PET100: variants seen among roughly 807,000 people sequenced by gnomAD.
PET100 encodes the protein PET100 cytochrome c oxidase chaperone.
In PET100, 13 loss-of-function variants were observed where a neutral mutation model predicts 13.6. That is an observed-to-expected ratio of 0.96 (90% CI 0.62 to 1.52). PET100 has a LOEUF of 1.52. Ranked by LOEUF, PET100 falls within the 40% of genes most tolerant of loss-of-function variation. The pLI is 0.00. For synonymous variants in PET100, 28 were observed against 30.8 expected (o/e 0.91, Z 0.30); for missense variants, 94 against 95.3 (o/e 0.99, Z 0.06).
intron 1 of PET100, chr19:7,630,314 T>C: frequency 1.8e-6 from 1 of 546,594 alleles, no homozygotes; most frequent in South Asian, 2.2e-5. Flanking sequence ...TGATTGTAGC[T>C]GGGGCGTCTG....
At chr19:7,631,078 G>T in intron 3 of PET100, 1 of 735,572 alleles carries the variant, frequency 1.4e-6, no homozygotes, top group Non-Finnish European at 2.2e-6. Flanking sequence ...CATGGTGGCA[G>T]GCGCCTATAA....
At chr19:7,631,401 G>T (rs1439080223) in intron 3 of PET100, 72 bp from the exon 4 acceptor site, 2 of 1,116,876 alleles carry the variant, frequency 1.8e-6, no homozygotes, top group South Asian at 3.1e-5. Context: ...GAGGTGGGCG[G>T]GGGGGGGTGG....
chr19:7,631,660 C>A lies in PET100; in HGVS notation c.*104C>A. 6.8e-7 allele frequency: 1 copy of A among 1,460,954 alleles called. No individual in the cohort carries two copies. 90.5% of individuals were successfully genotyped at this position (1,460,954 alleles called of 1,614,324 possible). A position where few individuals can be genotyped will look rare whatever the true frequency, so the allele number is the denominator to read the frequency against. ...TTATTCTTTTATCAGTTTTTGGGGG[C>A]CGAGTGAGACCCAGGATGCCTCAGG... On this transcript the variant is annotated 3_prime_UTR_variant, in exon 4 of 4. Coordinates refer to ENST00000594797, the MANE Select transcript of PET100 (RefSeq NM_001171155.2).
chr19:7,630,717 A>C, intron 2 of PET100, 58 bp downstream of exon 2: 1 of 1,530,990 alleles, frequency 6.5e-7, no homozygotes, highest in Non-Finnish European at 8.8e-7. Flanking sequence ...GGTGTGGGGC[A>C]GCAGTCTGCT....
At position 7,629,816 on chromosome 19, in the gene PET100, T is replaced by C. The variant is rs1490639045; in HGVS notation, c.-18T>C. 12 of 1,536,814 alleles carry C rather than the reference T, an allele frequency of 7.8e-6. No homozygotes were observed. The highest frequency in any genetic ancestry group is 1.4e-5 in the African/African-American group (1 of 73,014). On this transcript the variant is annotated 5_prime_UTR_variant, in exon 1 of 4. Coordinates refer to ENST00000594797, the MANE Select transcript of PET100 (RefSeq NM_001171155.2). ...TCGGCTTTGGGCGGAACTGGCTTTG[T>C]TGACCGGGAGAAACGAGATGGGGGT...
chr19:7,631,398 G>GA, intron 3 of PET100, 75 bp from the exon 4 acceptor site: 1 of 1,177,192 alleles, frequency 8.5e-7, no homozygotes, highest in African/African-American at 1.5e-5. Context: ...GGAGAGGTGG[G>GA]CGGGGGGGGG....
chr19:7,630,719 C>T lies in PET100; in HGVS notation c.114+60C>T, dbSNP rs1344292143. ...AGGGGTGGGAGAGGGTGTGGGGCAG[C>T]AGTCTGCTGGGGACTAATGTCTGCC... is the stretch of plus-strand genomic sequence containing the variant. On this transcript the variant is annotated intron_variant, in intron 2 of 3. Transcript: ENST00000594797. 6 of 1,530,216 alleles carry T rather than the reference C, an allele frequency of 3.9e-6. No homozygotes were observed. The African/African-American group carries it at 4.1e-5, about 11-fold the overall frequency. 94.8% of individuals were successfully genotyped at this position (1,530,216 alleles called of 1,614,324 possible).
At chr19:7,631,399 C>CGGGGGGG in intron 3 of PET100, 74 bp from the exon 4 acceptor site, 9 of 583,130 alleles carry the variant, frequency 1.5e-5, no homozygotes, top group Non-Finnish European at 2.2e-5. Context: ...GAGAGGTGGG[C>CGGGGGGG]GGGGGGGGGT....
At chr19:7,629,918 G>T (rs1260197875) in intron 1 of PET100, 58 bp downstream of exon 1, 1 of 1,471,366 alleles carries the variant, frequency 6.8e-7, no homozygotes, top group South Asian at 1.3e-5. Context: ...TGGATCTGAA[G>T]ATGAGGTTGG....
chr19:7,631,004 T>C, intron 3 of PET100, 158 bp downstream of exon 3: 1 of 976,942 alleles, frequency 1.0e-6, no homozygotes, highest in South Asian at 1.5e-5. Context: ...AGGTCAGGAG[T>C]TCAAAACCAG....
chr19:7,631,772 G>A lies in PET100; in HGVS notation c.*216G>A. 3 of 1,419,058 alleles carry A rather than the reference G, an allele frequency of 2.1e-6. No individual in the cohort carries two copies. The highest frequency in any genetic ancestry group is 2.8e-6 in the Non-Finnish European group (3 of 1,082,474). The allele number at this position is 1,419,058 out of a possible 1,614,324, so 87.9% of individuals were successfully genotyped here. A position where few individuals can be genotyped will look rare whatever the true frequency, so the allele number is the denominator to read the frequency against. On this transcript the variant is annotated 3_prime_UTR_variant, in exon 4 of 4. Transcript: ENST00000594797. Reference sequence around the variant, plus strand: ...GGGTCCTGAGGGGTGAGCAGGGGTTGGGGACTGAGGGTCCCAGCTCGTTTC... The same window carrying A: ...GGGTCCTGAGGGGTGAGCAGGGGTTAGGGACTGAGGGTCCCAGCTCGTTTC...
At chr19:7,630,996 G>A (rs1485632762) in intron 3 of PET100, 150 bp downstream of exon 3, 1 of 1,047,894 alleles carries the variant, frequency 9.5e-7, no homozygotes. Context: ...ATCACTTGAG[G>A]TCAGGAGTTC....
chr19:7,630,764 C>G, intron 2 of PET100, 59 bp from the exon 3 acceptor site: 1 of 1,536,798 alleles, frequency 6.5e-7, no homozygotes, highest in South Asian at 1.2e-5. Flanking sequence ...CCGACCCTGC[C>G]CTGATGTGGG....
At chr19:7,630,540 G>A (rs2031256685) in intron 1 of PET100, 33 bp from the exon 2 acceptor site, 3 of 1,481,440 alleles carry the variant, frequency 2.0e-6, no homozygotes, top group East Asian at 4.9e-5. Flanking sequence ...TTGCTTGGGG[G>A]GAGCTCACCT....
intron 3 of PET100, 21 bp from the exon 4 acceptor site, chr19:7,631,452 C>T: frequency 9.1e-6 from 14 of 1,530,766 alleles, no homozygotes; most frequent in Non-Finnish European, 1.1e-5. Flanking sequence ...CTTCCTGTCC[C>T]ACCCGCTTCT....
rs769172022 is a variant in PET100, at chr19:7,631,679, C to CCT, written c.*125_*126dup. 140 of 1,459,396 alleles carry CCT rather than the reference C, an allele frequency of 9.6e-5. No homozygotes were observed. Among genetic ancestry groups the CCT allele is most frequent in the Non-Finnish European group, 1.2e-4 (130 of 1,105,822 alleles). The allele number at this position is 1,459,396 out of a possible 1,614,324, so 90.4% of individuals were successfully genotyped here. A position where few individuals can be genotyped will look rare whatever the true frequency, so the allele number is the denominator to read the frequency against. ...TGGGGGCCGAGTGAGACCCAGGATG[C>CCT]CTCAGGCCCTCAGGGGGCTTGTGTC... On this transcript the variant is annotated 3_prime_UTR_variant, in exon 4 of 4. Transcript: ENST00000594797.
chr19:7,630,168 C>G (rs756100337), intron 1 of PET100: 1 of 459,486 alleles, frequency 2.2e-6, no homozygotes, highest in Non-Finnish European at 3.9e-6. Context: ...CTCTCGGGCT[C>G]GTGGTGGGTG....
In PET100 at chr19:7,631,914, T is replaced by C. The variant is rs2031327374; in HGVS notation, c.*358T>C. The C allele has an allele frequency of 8.9e-6, 10 of 1,118,192 alleles. No homozygotes were observed. The highest frequency in any genetic ancestry group is 5.7e-5 in the East Asian group (2 of 35,282). 69.3% of individuals were successfully genotyped at this position (1,118,192 alleles called of 1,614,324 possible). A position where few individuals can be genotyped will look rare whatever the true frequency, so the allele number is the denominator to read the frequency against. On this transcript the variant is annotated 3_prime_UTR_variant, in exon 4 of 4. Transcript: ENST00000594797. ...CAGGTAGCCACCGTGTCCCACCTCA[T>C]TGTGAGCACTGGTCTATGTTTACCC... is the stretch of plus-strand genomic sequence containing the variant.
Position 7,630,673 on chromosome 19 carries a change from G to A in PET100, c.114+14G>A. The A allele has an allele frequency of 2.6e-6, 4 of 1,536,286 alleles. No homozygotes were observed. Among genetic ancestry groups the A allele is most frequent in the Non-Finnish European group, 3.5e-6 (4 of 1,145,988 alleles). On this transcript the variant is annotated intron_variant, in intron 2 of 3. Transcript: ENST00000594797. ...ATACAGCGCAAGGTGGGCATAAGAG[G>A]AGTGTTTGAGGGTTCATTCCAGGGG...
Sources: allele counts gnomAD v4.1 joint callset, GRCh38; gene constraint gnomAD v4.1.1; transcripts MANE v1.5; gene names NCBI Gene and HGNC (gene_info 2026-07-23, HGNC 2026-07-21).